Variants in VANGL1 observed in about 807,000 individuals in gnomAD.
VANGL1 encodes the protein VANGL planar cell polarity protein 1.
A neutral mutation model predicts 48.4 loss-of-function variants in VANGL1; 18 were observed. The ratio of observed to expected loss-of-function variants is 0.37; its 90% CI spans 0.26 to 0.55. VANGL1 has a LOEUF of 0.55. Among genes scored for constraint, VANGL1 ranks in the 20% least tolerant of loss-of-function variants. The pLI, the probability that VANGL1 is intolerant of heterozygous loss-of-function variation, is 0.81. For synonymous variants in VANGL1, 257 were observed against 261.8 expected, an observed-to-expected ratio of 0.98 and a Z score of 0.18; for missense variants, 667 against 675.8, an observed-to-expected ratio of 0.99 and a Z score of 0.14.
intron 4 of VANGL1, among the ~76,000 whole-genome samples, chr1:115,677,499 G>C (rs928851062): frequency 1.3e-5 from 2 of 152,196 alleles, no homozygotes; most frequent in Non-Finnish European, 2.9e-5. Flanking sequence ...TCCTTCCCAG[G>C]AGTTCAAGTT....
At position 115,659,803 on chromosome 1, in the gene VANGL1, CT is replaced by C. The variant is rs540630992; in HGVS notation, c.204+31del. The C allele has an allele frequency of 4.5e-4, 721 of 1,614,118 alleles. 4 individuals carry two copies. The African/African-American group carries it at 8.6e-3, about 19-fold the overall frequency. The stretch of plus-strand genomic sequence containing the variant: ...GGATCAAAGGTGGTCTGTAAGCACA[CT>C]GCCACTTGGCCAAGACTCCTGTCTG... On this transcript the variant is annotated intron_variant, in intron 3 of 7. Transcript: ENST00000355485.
chr1:115,690,385 C>T (rs1653785074), intron 7 of VANGL1, among the ~76,000 whole-genome samples: 1 of 152,226 alleles, frequency 6.6e-6, no homozygotes, highest in Non-Finnish European at 1.5e-5. Flanking sequence ...TGTATCAGAA[C>T]TCCATCGAGC....
intron 4 of VANGL1, among the ~76,000 whole-genome samples, chr1:115,674,751 GT>G (rs1653100080): frequency 1.3e-5 from 2 of 152,178 alleles, no homozygotes; most frequent in African/African-American, 4.8e-5. Flanking sequence ...CATGGGGGAT[GT>G]CTTCATCCCT....
Position 115,691,538 on chromosome 1 carries a change from G to A in VANGL1, c.*159G>A. On this transcript the variant is annotated 3_prime_UTR_variant, in exon 8 of 8. Transcript: ENST00000355485. ...CCTTTGACCATCTGCACTTTATTTG[G>A]AAGGAAGCAGGGGCTGTCCACCCTG... is the stretch of plus-strand genomic sequence containing the variant. 1 of 826,086 alleles carries A rather than the reference G, an allele frequency of 1.2e-6. No homozygotes were observed. Among genetic ancestry groups the A allele is most frequent in the East Asian group, 2.7e-5 (1 of 36,494 alleles). The allele number at this position is 826,086 out of a possible 1,614,324, so 51.2% of individuals were successfully genotyped here.
At position 115,659,708 on chromosome 1, in the gene VANGL1, A is replaced by G; in HGVS notation, c.139A>G (p.Thr47Ala). 1 of 1,614,184 alleles carries G rather than the reference A, an allele frequency of 6.2e-7. No homozygotes were observed. ...KDGRGSEKSV[T>A]IQPPTGEPLL... ...CGGCAGAGGGTCAGAAAAGTCTGTC[A>G]CCATTCAACCTCCCACTGGAGAGCC... is the stretch of plus-strand genomic sequence containing the variant. The change falls in exon 3 of 8, where the codon ACC becomes GCC. Residue 47 changes from threonine (T) to alanine (A), a missense_variant. Coordinates refer to ENST00000355485, the MANE Select transcript of VANGL1 (RefSeq NM_138959.3).
At chr1:115,650,973 A>G (rs535123934) in intron 1 of VANGL1, among the ~76,000 whole-genome samples, 1 of 152,078 alleles carries the variant, frequency 6.6e-6, no homozygotes, top group Admixed American at 6.6e-5. Context: ...AGATGTGGAA[A>G]GCCACCTCCT....
In VANGL1 at chr1:115,691,433, A is replaced by G. The variant is rs1653832050; in HGVS notation, c.*54A>G. 1.2e-5 allele frequency: 18 copies of G among 1,555,684 alleles called. No homozygotes were observed. The highest frequency in any genetic ancestry group is 1.5e-5 in the Non-Finnish European group (17 of 1,151,106). On this transcript the variant is annotated 3_prime_UTR_variant, in exon 8 of 8. Coordinates refer to ENST00000355485, the MANE Select transcript of VANGL1 (RefSeq NM_138959.3). ...AAAAAAGAAAAATATATAGAGAGAT[A>G]TATATCTATGCCAGAGGGGTGTCTT...
Position 115,681,669 on chromosome 1 carries a change from G to A in VANGL1, c.813-695G>A, listed in dbSNP as rs149295861. Among the ~76,000 whole-genome samples, 1,323 of 152,048 alleles carry A rather than the reference G, an allele frequency of 8.7e-3. 15 individuals are homozygous for A. Among genetic ancestry groups the A allele is most frequent in the African/African-American group, 0.03 (1,246 of 41,470 alleles). On this transcript the variant is annotated intron_variant, in intron 4 of 7. Transcript: ENST00000355485. The stretch of plus-strand genomic sequence containing the variant: ...TTACAGGTGCATGCCACTACACCCC[G>A]GTAATTTTTGTATTTTTAGTAGAGA...
In VANGL1 at chr1:115,696,301, G is replaced by T. The variant is rs1356018928; in HGVS notation, c.*4922G>T. The T allele has an allele frequency of 6.6e-6, 1 of 152,182 alleles. No homozygotes were observed. The highest frequency in any genetic ancestry group is 6.5e-5 in the Admixed American group (1 of 15,286). 9.4% of individuals were successfully genotyped at this position (152,182 alleles called of 1,614,324 possible). On this transcript the variant is annotated 3_prime_UTR_variant, in exon 8 of 8. Coordinates refer to ENST00000355485, the MANE Select transcript of VANGL1 (RefSeq NM_138959.3). ...GGCTGTCCACAGCCCCATCCTGTGG[G>T]GATCTCAAGCCGGAGTCCCTGGCCT...
At chr1:115,643,787 T>C (rs1456508277) in intron 1 of VANGL1, among the ~76,000 whole-genome samples, 2 of 152,186 alleles carry the variant, frequency 1.3e-5, no homozygotes, top group South Asian at 4.1e-4. Flanking sequence ...TGTCACCCTT[T>C]GTTTGAAGGA....
At chr1:115,647,349 G>A (rs1333791635) in intron 1 of VANGL1, among the ~76,000 whole-genome samples, 2 of 152,140 alleles carry the variant, frequency 1.3e-5, no homozygotes, top group Non-Finnish European at 2.9e-5. Flanking sequence ...TCTGATAAGG[G>A]ATTCCTTCTG....
intron 1 of VANGL1, among the ~76,000 whole-genome samples, chr1:115,650,324 GAGAC>G (rs1652093591): frequency 6.6e-6 from 1 of 152,214 alleles, no homozygotes; most frequent in Non-Finnish European, 1.5e-5. Context: ...GGTGCAGAAA[GAGAC>G]AGAACTTGTG....
At position 115,655,257 on chromosome 1, in the gene VANGL1, A is replaced by G. The variant is rs12132217; in HGVS notation, c.71+3773A>G. 4.3e-3 allele frequency among the ~76,000 whole-genome samples: 649 copies of G among 152,342 alleles called. 5 individuals are homozygous for G. The highest frequency in any genetic ancestry group is 6.8e-3 in the Non-Finnish European group (464 of 68,044). The stretch of plus-strand genomic sequence containing the variant: ...TGGGGCCAGCTTTCCCCAAATAGAA[A>G]TAGGCAAACAACAGAAACAGGACTA... On this transcript the variant is annotated intron_variant, in intron 2 of 7. Coordinates refer to ENST00000355485, the MANE Select transcript of VANGL1 (RefSeq NM_138959.3).
rs1229894953 is a variant in VANGL1 at position 115,663,659 on chromosome 1, A to G, written c.205-2A>G. 2 of 1,614,060 alleles carry G rather than the reference A, an allele frequency of 1.2e-6. No homozygotes were observed. Among genetic ancestry groups the G allele is most frequent in the Non-Finnish European group, 1.7e-6 (2 of 1,180,038 alleles). ...TCATCCTCACTGTCTTCTCCCCACCAGGATGACAACTGGGGAGAGACCACC... is the reference window on the plus strand; with the variant it reads ...TCATCCTCACTGTCTTCTCCCCACCGGGATGACAACTGGGGAGAGACCACC... On this transcript the variant is annotated splice_acceptor_variant, in intron 3 of 7. Coordinates refer to ENST00000355485, the MANE Select transcript of VANGL1 (RefSeq NM_138959.3). LOFTEE classifies it high-confidence loss of function.
At chr1:115,681,707 A>G (rs1016922521) in intron 4 of VANGL1, among the ~76,000 whole-genome samples, 6 of 151,910 alleles carry the variant, frequency 3.9e-5, no homozygotes, top group African/African-American at 1.5e-4. Flanking sequence ...GGGTTTCATC[A>G]TATTGGTTAG....
At chr1:115,681,028 C>T (rs895490710) in intron 4 of VANGL1, among the ~76,000 whole-genome samples, 3 of 152,154 alleles carry the variant, frequency 2.0e-5, no homozygotes, top group Non-Finnish European at 4.4e-5. Flanking sequence ...CGCATGTTAC[C>T]GGGAAGCCCA....
Position 115,685,521 on chromosome 1 carries a change from C to T in VANGL1, c.1308C>T (p.Thr436=). ...HLAFCITNGM[T]PKAFLERYLS... ...CCTTCTGCATCACCAACGGCATGAC[C>T]CCCAAGGTGCGCTGCTCCGGGCGGG... Residue 436 remains threonine, a synonymous_variant, in exon 7 of 8, where the codon ACC becomes ACT. Transcript: ENST00000355485. 2 of 1,613,986 alleles carry T rather than the reference C, an allele frequency of 1.2e-6. No homozygotes were observed. Among genetic ancestry groups the T allele is most frequent in the East Asian group, 4.5e-5 (2 of 44,870 alleles).
rs1653840429 is a variant in VANGL1 at position 115,691,614 on chromosome 1, A to C, written c.*235A>C. On this transcript the variant is annotated 3_prime_UTR_variant, in exon 8 of 8. Transcript: ENST00000355485. ...CTTTTGTCGATGGGACTTCTCAAGA[A>C]GCCATTCCTTGGAGCTTCTGTTACA... 2.1e-6 allele frequency: 1 copy of C among 476,554 alleles called. No homozygotes were observed. The highest frequency in any genetic ancestry group is 3.8e-5 in the East Asian group (1 of 26,460). 29.5% of individuals were successfully genotyped at this position (476,554 alleles called of 1,614,324 possible).
At chr1:115,649,046 C>T (rs1652039839) in intron 1 of VANGL1, among the ~76,000 whole-genome samples, 1 of 152,034 alleles carries the variant, frequency 6.6e-6, no homozygotes, top group Admixed American at 6.5e-5. Context: ...CGAAGCACAT[C>T]CTAATGTTGA....
Sources: gnomAD v4.1 joint callset for allele counts (sites outside exome capture counted in the v4.1 genomes callset) on GRCh38, gnomAD v4.1.1 for gene constraint, MANE v1.5 for transcripts, NCBI Gene and HGNC (gene_info 2026-07-23, HGNC 2026-07-21) for gene names.